The following EYA3 variants were observed in gnomAD, a reference collection of about 807,000 sequenced individuals.
The protein encoded by EYA3 is protein phosphatase EYA3.
In EYA3, 39 loss-of-function variants were observed where a neutral mutation model predicts 80.0. The observed-to-expected ratio is 0.49, with a 90% confidence interval of 0.38 to 0.64. The LOEUF is 0.64. EYA3 is among the 30% of genes least tolerant of loss of function. The pLI is 0.00. For missense variants in EYA3, 523 were observed against 676.1 expected, an observed-to-expected ratio of 0.77 and a Z score of 2.51; for synonymous variants, 206 against 232.8, an observed-to-expected ratio of 0.88 and a Z score of 1.05.
chr1:28,028,083 T>C (rs1642894705), intron 6 of EYA3, among the ~76,000 whole-genome samples, 157 bp from the exon 7 acceptor site: 1 of 152,200 alleles, frequency 6.6e-6, no homozygotes, highest in African/African-American at 2.4e-5. Context: ...ACTTGTAATA[T>C]ATCACAAGCA....
intron 1 of EYA3, among the ~76,000 whole-genome samples, chr1:28,079,760 T>C (rs1048495209): frequency 2.0e-5 from 3 of 152,060 alleles, no homozygotes; most frequent in African/African-American, 4.8e-5. Flanking sequence ...TCCACGTACA[T>C]TGCAGAGAAA....
intron 4 of EYA3, among the ~76,000 whole-genome samples, chr1:28,040,358 C>A (rs113598070): frequency 6.6e-6 from 1 of 152,004 alleles, no homozygotes; most frequent in East Asian, 1.9e-4. Flanking sequence ...CTAAAGGAAT[C>A]GAAAGTTCTT....
chr1:28,065,966 G>A (rs1276625642), intron 1 of EYA3, among the ~76,000 whole-genome samples: 3 of 151,276 alleles, frequency 2.0e-5, no homozygotes, highest in East Asian at 1.9e-4. Flanking sequence ...CTGAGATCAC[G>A]CCATTGCACT....
At chr1:27,996,134 A>T (rs115347176) in intron 13 of EYA3, among the ~76,000 whole-genome samples, 192 of 152,332 alleles carry the variant, frequency 1.3e-3, no homozygotes, top group African/African-American at 4.4e-3. Context: ...TGGCCTCCTG[A>T]AGTGCTGGGA....
chr1:28,073,103 T>TTATATATATATATATATATATATA (rs201041762), intron 1 of EYA3, among the ~76,000 whole-genome samples: 17 of 37,740 alleles, frequency 4.5e-4, no homozygotes, highest in East Asian at 1.5e-3. Context: ...GATGAAACTA[T>TTATATATATATATATATATATATA]TATATATATA....
chr1:28,034,075 C>A (rs1056925472), intron 6 of EYA3, among the ~76,000 whole-genome samples: 6 of 151,766 alleles, frequency 4.0e-5, no homozygotes, highest in Admixed American at 1.3e-4. Flanking sequence ...CACAGCGAGA[C>A]TCTGTCTCAA....
chr1:27,989,726 T>C lies in EYA3; in HGVS notation c.1389A>G (p.Ala463=), dbSNP rs151119700. ...ACTGGATGAGAAGTAAGGACTTTAA[T>C]GCAGTTCCTAACCAGGAATCTGTTA... ...EVLTDSWLGT[A]LKSLLLIQSR... The change falls in exon 15 of 18, where the codon GCA becomes GCG. Residue 463 remains alanine (A), a synonymous_variant. Coordinates refer to ENST00000373871, the MANE Select transcript of EYA3 (RefSeq NM_001990.4). The C allele has an allele frequency of 2.6e-5, 42 of 1,612,312 alleles. No homozygotes were observed. The African/African-American group carries it at 4.9e-4, about 19-fold the overall frequency.
chr1:27,974,569 G>T (rs775727028), intron 17 of EYA3, 23 bp from the exon 18 acceptor site: 1 of 1,595,954 alleles, frequency 6.3e-7, no homozygotes. Flanking sequence ...GGGAATAGCT[G>T]GTTAATCCAA....
intron 17 of EYA3, chr1:27,977,295 T>C (rs1168207378): frequency 1.3e-6 from 2 of 1,549,900 alleles, no homozygotes; most frequent in East Asian, 2.4e-5. Flanking sequence ...TAGTTTATTA[T>C]AGTTGCTAAG....
At chr1:27,992,858 C>T (rs997149119) in intron 14 of EYA3, among the ~76,000 whole-genome samples, 9 of 152,170 alleles carry the variant, frequency 5.9e-5, no homozygotes, top group African/African-American at 2.2e-4. Context: ...TTCAAACAAT[C>T]TATGATTAAT....
rs1312769543 is a variant in EYA3, at chr1:28,017,130, G to A, written c.585+24C>T. The stretch of plus-strand genomic sequence containing the variant: ...CAAGCTGGATGAACTCTATCAAACA[G>A]GATGAACAAAGGTAGCATCATACCT... On this transcript the variant is annotated intron_variant, in intron 8 of 17. Coordinates refer to ENST00000373871, the MANE Select transcript of EYA3 (RefSeq NM_001990.4). The A allele has an allele frequency of 2.5e-6, 4 of 1,584,010 alleles. No individual in the cohort carries two copies. In the East Asian group the frequency reaches 9.0e-5, roughly 35 times the overall value.
chr1:28,025,310 C>T (rs1359287670), intron 7 of EYA3, among the ~76,000 whole-genome samples: 2 of 152,064 alleles, frequency 1.3e-5, no homozygotes, highest in Non-Finnish European at 2.9e-5. Flanking sequence ...AGATTAACCA[C>T]AAAAAGGGAG....
intron 14 of EYA3, chr1:27,990,254 G>A (rs1182901883): frequency 1.6e-5 from 3 of 183,372 alleles, no homozygotes; most frequent in East Asian, 1.4e-4. Flanking sequence ...ACAGGCCTGC[G>A]CCCCGGTCAC....
rs576677422 is a variant in EYA3, at chr1:28,009,204, C to G, written c.909+1743G>C. ...GATAATTGTACACCAATGGTCAAAG[C>G]AGCATTACTCACAATAGCACAAAGG... On this transcript the variant is annotated intron_variant, in intron 10 of 17. Transcript: ENST00000373871. This position sits in a 1 kb window ranked among gnomAD's most constrained non-coding sequence, Gnocchi z 4.8. Among the ~76,000 whole-genome samples the G allele has an allele frequency of 2.0e-5, 3 of 152,276 alleles. No homozygotes were observed. In the East Asian group the frequency reaches 5.8e-4, roughly 29 times the overall value.
chr1:27,984,992 G>C (rs1347911539), intron 16 of EYA3, among the ~76,000 whole-genome samples: 1 of 152,100 alleles, frequency 6.6e-6, no homozygotes, highest in Admixed American at 6.5e-5. Context: ...CTTCCAATTA[G>C]GGTTTAATCC....
intron 1 of EYA3, among the ~76,000 whole-genome samples, chr1:28,083,722 C>G (rs886711833): frequency 2.0e-5 from 3 of 152,004 alleles, no homozygotes; most frequent in Non-Finnish European, 4.4e-5. Context: ...GTATCTATAA[C>G]GAAAGAACAT....
chr1:28,042,725 A>T, intron 3 of EYA3, 75 bp from the exon 4 acceptor site: 1 of 1,143,106 alleles, frequency 8.7e-7, no homozygotes, highest in East Asian at 2.4e-5. Flanking sequence ...GTTCAAACCC[A>T]TTTCCTCCTA....
intron 7 of EYA3, among the ~76,000 whole-genome samples, chr1:28,023,004 G>A (rs1299206242): frequency 6.6e-6 from 1 of 151,138 alleles, no homozygotes; most frequent in Non-Finnish European, 1.5e-5. Flanking sequence ...AAAAATGGTT[G>A]ATAATAGGAC....
chr1:28,078,873 T>C (rs1645319481), intron 1 of EYA3, among the ~76,000 whole-genome samples: 1 of 152,180 alleles, frequency 6.6e-6, no homozygotes, highest in African/African-American at 2.4e-5. Flanking sequence ...CAGGCTAGCT[T>C]CAAAGCCTGA....
Sources: gnomAD v4.1 joint callset for allele counts (sites outside exome capture counted in the v4.1 genomes callset) on GRCh38, gnomAD v4.1.1 for gene constraint, Gnocchi (gnomAD v3.1) non-coding constraint, MANE v1.5 for transcripts, NCBI Gene and HGNC (gene_info 2026-07-23, HGNC 2026-07-21) for gene names.